MATR3: variants seen among roughly 807,000 people sequenced by gnomAD.
MATR3 encodes matrin-3.
MATR3 carries 4 observed loss-of-function variants against 85.5 expected under a neutral mutation model. The observed-to-expected ratio is 0.05, with a 90% confidence interval of 0.02 to 0.11. The LOEUF (loss-of-function observed/expected upper bound fraction) is 0.11, where lower values mean the gene tolerates loss of function less well. Ranked by LOEUF, MATR3 falls within the 10% of genes least tolerant of loss-of-function variation. MATR3 has a pLI of 1.00. For missense variants in MATR3, 685 were observed against 1,016.1 expected (o/e 0.67, Z 4.43); for synonymous variants, 336 against 343.1 (o/e 0.98, Z 0.23).
At chr5:139,296,811 G>T (rs1227173545) in intron 1 of MATR3, among the ~76,000 whole-genome samples, 4 of 152,152 alleles carry the variant, frequency 2.6e-5, no homozygotes, top group Admixed American at 6.5e-5. Context: ...TTTTGTTAGG[G>T]ATACTTGATT....
chr5:139,302,954 A>T (rs951004367), intron 1 of MATR3, among the ~76,000 whole-genome samples: 2 of 151,996 alleles, frequency 1.3e-5, no homozygotes, highest in African/African-American at 2.4e-5. Context: ...TAATGTCATT[A>T]TGAAGGTATT....
At chr5:139,324,143 C>T (rs1755719312) in intron 12 of MATR3, among the ~76,000 whole-genome samples, 1 of 152,046 alleles carries the variant, frequency 6.6e-6, no homozygotes, top group South Asian at 2.1e-4. Context: ...TAATTTAATC[C>T]TCACAGTAAC....
intron 2 of MATR3, chr5:139,278,284 TTC>T: frequency 2.2e-6 from 1 of 453,756 alleles, no homozygotes; most frequent in Admixed American, 2.4e-5. Context: ...ATTTATTATA[TTC>T]TGTGTACTAG....
intron 1 of MATR3, chr5:139,294,237 A>T (rs1037012119): frequency 2.4e-6 from 1 of 414,774 alleles, no homozygotes; most frequent in South Asian, 1.2e-4. Context: ...CAGACTGTAC[A>T]CTGGGGGCTT....
At chr5:139,287,132 A>G (rs2151894595) in intron 3 of MATR3, among the ~76,000 whole-genome samples, 1 of 152,334 alleles carries the variant, frequency 6.6e-6, no homozygotes, top group Non-Finnish European at 1.5e-5. Context: ...TGTCAAGCTT[A>G]ATTTTCTCAT....
intron 9 of MATR3, among the ~76,000 whole-genome samples, chr5:139,320,035 G>C (rs559880686): frequency 5.5e-5 from 8 of 146,728 alleles, no homozygotes; most frequent in Admixed American, 2.1e-4. Flanking sequence ...TTAGCCAGTC[G>C]CAGTGGCTCA....
intron 1 of MATR3, chr5:139,294,108 G>A: frequency 8.2e-7 from 1 of 1,216,176 alleles, no homozygotes; most frequent in South Asian, 2.9e-5. Context: ...GAGGTGCGCT[G>A]ACCGGCCGAG....
At chr5:139,279,101 C>G (rs537108216) in exon 3 of MATR3, 1 of 455,774 alleles carries the variant, frequency 2.2e-6, no homozygotes, top group South Asian at 1.5e-5. Context: ...AGATGTCTGA[C>G]AGCCCTGTGT....
chr5:139,294,473 A>ACG (rs545311713), intron 1 of MATR3: 257 of 151,244 alleles, frequency 1.7e-3, no homozygotes, highest in South Asian at 3.6e-3. Flanking sequence ...CCCGGCCCAC[A>ACG]CGCGCGCGCG....
At chr5:139,277,814 C>T (rs947760222) in intron 2 of MATR3, among the ~76,000 whole-genome samples, 2 of 141,632 alleles carry the variant, frequency 1.4e-5, no homozygotes, top group Non-Finnish European at 3.0e-5. Context: ...ATATGGGGTA[C>T]AACATGAGGT....
chr5:139,281,595 C>T (rs1187387735), intron 3 of MATR3, among the ~76,000 whole-genome samples: 1 of 151,924 alleles, frequency 6.6e-6, no homozygotes, highest in Admixed American at 6.6e-5. Flanking sequence ...TCAGGTGATC[C>T]ACCCGCCTCA....
rs866372806 is a variant in MATR3, at chr5:139,307,483, C to T, written c.68C>T (p.Ala23Val). The change falls in exon 2 of 15, where the codon GCG becomes GTG. Residue 23 changes from alanine to valine, a missense_variant. By Grantham distance (64) the Ala-to-Val change is moderately conservative. Around this residue, in one of 9 missense-constraint regions of MATR3, gnomAD observed 30 missense variants for 69.5 expected, o/e 0.43. Transcript: ENST00000394805. The surrounding 1 kb of genome is among the most constrained non-coding windows in gnomAD (Gnocchi z 4.4). ...CAGGGTCATGGGCGTGACCTGTCTG[C>T]GGCAGGAATAGGCCTTCTTGCTGCT... ...DSQGHGRDLS[A>V]AGIGLLAAAT... The T allele has an allele frequency of 5.0e-6, 8 of 1,613,818 alleles. No individual in the cohort carries two copies. Among genetic ancestry groups the T allele is most frequent in the Middle Eastern group, 1.6e-4 (1 of 6,084 alleles).
chr5:139,291,044 C>T (rs888003487), upstream of MATR3, among the ~76,000 whole-genome samples: 4 of 152,166 alleles, frequency 2.6e-5, no homozygotes, highest in African/African-American at 9.6e-5. Flanking sequence ...TGCTTAAACC[C>T]GGGACGCAGA....
At chr5:139,294,411 C>G (rs1754029122) in intron 1 of MATR3, 1 of 173,050 alleles carries the variant, frequency 5.8e-6, no homozygotes, top group South Asian at 2.0e-4. Flanking sequence ...TTCCCGGTGT[C>G]TCGGCCTTCA....
At chr5:139,319,284 A>C in intron 8 of MATR3, 50 bp from the exon 9 acceptor site, 1 of 1,539,340 alleles carries the variant, frequency 6.5e-7, no homozygotes, top group South Asian at 1.1e-5. Context: ...TTTAACTGTT[A>C]ACTAATAATT....
upstream of MATR3, among the ~76,000 whole-genome samples, chr5:139,290,893 GT>G (rs1434393667): frequency 2.0e-5 from 3 of 152,100 alleles, no homozygotes; most frequent in Non-Finnish European, 4.4e-5. Flanking sequence ...CTGAACTTGC[GT>G]TGGATAGTAT....
At chr5:139,286,878 G>GTGT (rs758070707) in intron 3 of MATR3, among the ~76,000 whole-genome samples, 9 of 151,898 alleles carry the variant, frequency 5.9e-5, no homozygotes, top group Non-Finnish European at 1.2e-4. Context: ...TAATTAAAAT[G>GTGT]TGTTATCAAC....
chr5:139,311,084 A>G (rs549275566), intron 2 of MATR3: 1 of 152,354 alleles, frequency 6.6e-6, no homozygotes, highest in East Asian at 1.9e-4. Context: ...GGTGTGAGCC[A>G]TCGCACCCAG....
Position 139,322,460 on chromosome 5 carries a change from T to TAA in MATR3, c.1735-2_1735-1insAA, listed in dbSNP as rs775931483. ...TAACTTCTGCAAAACTTTTGTCTTT[T>TAA]AGATTCCAAACAGAGGCATTGATTT... is the stretch of plus-strand genomic sequence containing the variant. On this transcript the variant is annotated splice_polypyrimidine_tract_variant and splice_region_variant and intron_variant, in intron 10 of 14. Coordinates refer to ENST00000394805, the MANE Select transcript of MATR3 (RefSeq NM_018834.6). 3 of 1,594,482 alleles carry TAA rather than the reference T, an allele frequency of 1.9e-6. No homozygotes were observed. The Admixed American group carries it at 5.0e-5, about 27-fold the overall frequency.
Sources: allele counts gnomAD v4.1 joint callset (sites outside exome capture counted in the v4.1 genomes callset), GRCh38; gene constraint gnomAD v4.1.1; regional missense constraint gnomAD v4.1.1; non-coding constraint Gnocchi (gnomAD v3.1); transcripts MANE v1.5; gene names NCBI Gene and HGNC (gene_info 2026-07-23, HGNC 2026-07-21).